Variants in GPC5 observed in about 807,000 individuals in gnomAD.
GPC5 encodes glypican-5.
GPC5 carries 47 observed loss-of-function variants against 53.9 expected under a neutral mutation model. That is an observed-to-expected ratio of 0.87 (90% CI 0.69 to 1.11). The LOEUF (loss-of-function observed/expected upper bound fraction) is 1.11, where lower values mean the gene tolerates loss of function less well. Ranked by LOEUF, GPC5 falls within the 50% of genes most tolerant of loss-of-function variation. The pLI, the probability that GPC5 is intolerant of heterozygous loss-of-function variation, is 0.00. For missense variants in GPC5, 748 were observed against 713.1 expected, an observed-to-expected ratio of 1.05 and a Z score of -0.56; for synonymous variants, 286 against 263.3, an observed-to-expected ratio of 1.09 and a Z score of -0.84.
At chr13:91,421,758 C>T (rs868442075) in intron 1 of GPC5, among the ~76,000 whole-genome samples, 1 of 152,178 alleles carries the variant, frequency 6.6e-6, no homozygotes. Flanking sequence ...CACCTTTTGG[C>T]TCAGAATTAT....
intron 7 of GPC5, among the ~76,000 whole-genome samples, chr13:92,788,616 A>G (rs1876346965): frequency 1.3e-5 from 2 of 152,184 alleles, no homozygotes; most frequent in African/African-American, 2.4e-5. Context: ...TTGTGGAAGT[A>G]TTTTGTTAAT....
At chr13:92,301,774 A>G (rs552807748) in intron 7 of GPC5, among the ~76,000 whole-genome samples, 25 of 152,142 alleles carry the variant, frequency 1.6e-4, no homozygotes, top group African/African-American at 5.5e-4. Flanking sequence ...AAAGAAAAAA[A>G]GTAGTGCCAG....
At chr13:91,510,048 A>G (rs73606476) in intron 2 of GPC5, among the ~76,000 whole-genome samples, 1,874 of 152,288 alleles carry the variant, frequency 0.012, 40 homozygotes, top group African/African-American at 0.042. Flanking sequence ...TCTTACATAT[A>G]AAACATACTA....
intron 7 of GPC5, among the ~76,000 whole-genome samples, chr13:92,754,009 C>T (rs1343339672): frequency 1.3e-5 from 2 of 152,188 alleles, no homozygotes; most frequent in Middle Eastern, 3.4e-3. Context: ...AGAAGAGCAA[C>T]TCCAAGACAC....
At chr13:92,096,631 G>A (rs1214237665) in intron 6 of GPC5, among the ~76,000 whole-genome samples, 1 of 152,154 alleles carries the variant, frequency 6.6e-6, no homozygotes, top group African/African-American at 2.4e-5. Flanking sequence ...AGGGCTAATG[G>A]AAATAGCTTA....
chr13:92,777,205 G>A (rs1875843679), intron 7 of GPC5, among the ~76,000 whole-genome samples: 1 of 151,336 alleles, frequency 6.6e-6, no homozygotes, highest in South Asian at 2.1e-4. Context: ...GCATGGAGGT[G>A]CATGACTGTA....
chr13:91,748,500 G>A (rs1594516773), intron 4 of GPC5, among the ~76,000 whole-genome samples: 1 of 152,302 alleles, frequency 6.6e-6, no homozygotes, highest in Non-Finnish European at 1.5e-5. Flanking sequence ...AATTCTAGAA[G>A]TTGTTAAAAA....
chr13:91,778,901 A>G (rs758128442), intron 5 of GPC5, among the ~76,000 whole-genome samples: 1 of 152,248 alleles, frequency 6.6e-6, no homozygotes, highest in Non-Finnish European at 1.5e-5. Flanking sequence ...GGCTAAGCCT[A>G]TTGCTACTAG....
intron 7 of GPC5, among the ~76,000 whole-genome samples, chr13:92,829,983 T>G (rs1877996153): frequency 6.6e-6 from 1 of 152,114 alleles, no homozygotes; most frequent in Non-Finnish European, 1.5e-5. Context: ...CAATCCAAGG[T>G]ATAAAGAAAA....
At chr13:91,457,368 A>G (rs890926584) in intron 2 of GPC5, among the ~76,000 whole-genome samples, 1 of 152,166 alleles carries the variant, frequency 6.6e-6, no homozygotes, top group East Asian at 1.9e-4. Context: ...TAATGATACT[A>G]TAAAAAATAT....
chr13:91,793,990 C>T (rs1229906242), intron 5 of GPC5, among the ~76,000 whole-genome samples: 5 of 152,140 alleles, frequency 3.3e-5, no homozygotes, highest in Admixed American at 6.5e-5. Flanking sequence ...GGGTTTGAGA[C>T]TTTATGCTAA....
intron 7 of GPC5, among the ~76,000 whole-genome samples, chr13:92,747,672 G>C (rs1158125858): frequency 1.3e-5 from 2 of 152,136 alleles, no homozygotes; most frequent in Non-Finnish European, 2.9e-5. Flanking sequence ...TGCAACCTAA[G>C]AATTGAACTA....
In GPC5 at chr13:92,342,451, A is replaced by G. The variant is rs185279493; in HGVS notation, c.1561+197462A>G. On this transcript the variant is annotated intron_variant, in intron 7 of 7. Transcript: ENST00000377067. ...GTCTTTGGGAGGTGTTTGAGTCATG[A>G]GTCCTCCGCCCTCATGAATGAGATT... 1.1e-3 allele frequency among the ~76,000 whole-genome samples: 161 copies of G among 152,186 alleles called. 2 individuals are homozygous for G. The highest frequency in any genetic ancestry group is 3.4e-3 in the African/African-American group (142 of 41,534).
At chr13:92,100,411 TA>T (rs1237704173) in intron 6 of GPC5, among the ~76,000 whole-genome samples, 1 of 152,086 alleles carries the variant, frequency 6.6e-6, no homozygotes, top group Non-Finnish European at 1.5e-5. Context: ...CAAAAAAATT[TA>T]AAAAGTTAAA....
chr13:92,474,968 A>G (rs565641535), intron 7 of GPC5, among the ~76,000 whole-genome samples: 5 of 152,280 alleles, frequency 3.3e-5, no homozygotes, highest in Admixed American at 3.3e-4. Flanking sequence ...ACAAAATCAT[A>G]AAACCAATTT....
chr13:91,434,397 T>A (rs890340752), intron 1 of GPC5, among the ~76,000 whole-genome samples: 6 of 152,078 alleles, frequency 3.9e-5, no homozygotes, highest in Non-Finnish European at 7.4e-5. Flanking sequence ...AAGGAAGGGA[T>A]CCAGTTTCAG....
intron 7 of GPC5, among the ~76,000 whole-genome samples, chr13:92,299,671 CA>C (rs35952889): frequency 2.0e-5 from 3 of 152,046 alleles, no homozygotes; most frequent in Non-Finnish European, 4.4e-5. Flanking sequence ...TGAAGCCCCC[CA>C]AAAAGTAAAA....
chr13:91,910,770 T>C (rs1393851708), intron 6 of GPC5, among the ~76,000 whole-genome samples: 2 of 152,128 alleles, frequency 1.3e-5, no homozygotes, highest in African/African-American at 4.8e-5. Context: ...GCTCATTGAG[T>C]TTCTAGTATG....
At chr13:92,650,152 C>T (rs17267250) in intron 7 of GPC5, among the ~76,000 whole-genome samples, 37,883 of 151,882 alleles carry the variant, frequency 0.25, 5,529 homozygotes, top group South Asian at 0.39. Context: ...ATACAATATA[C>T]CTAATTCTTC....
Sources: allele counts gnomAD v4.1 joint callset (sites outside exome capture counted in the v4.1 genomes callset), GRCh38; gene constraint gnomAD v4.1.1; transcripts MANE v1.5; gene names NCBI Gene and HGNC (gene_info 2026-07-23, HGNC 2026-07-21).